The following AGBL4 variants were observed in gnomAD, a reference collection of about 807,000 sequenced individuals.
AGBL4 encodes AGBL carboxypeptidase 4, also known as cytosolic carboxypeptidase 6.
In AGBL4, 58 loss-of-function variants were observed where a neutral mutation model predicts 66.4. The ratio of observed to expected loss-of-function variants is 0.87; its 90% confidence interval spans 0.71 to 1.09. The LOEUF is 1.09. AGBL4 is among the 50% of genes least tolerant of loss of function. The probability of loss-of-function intolerance (pLI) is 0.00; values close to 1 mark genes in which losing one functional copy is unlikely to be tolerated. For synonymous variants in AGBL4, 234 were observed against 222.9 expected, an observed-to-expected ratio of 1.05 and a Z score of -0.44; for missense variants, 579 against 631.0, an observed-to-expected ratio of 0.92 and a Z score of 0.88.
intron 2 of AGBL4, among the ~76,000 whole-genome samples, chr1:49,763,129 G>C (rs1010061377): frequency 7.2e-5 from 11 of 152,140 alleles, no homozygotes; most frequent in African/African-American, 2.7e-4. Flanking sequence ...CTGCTCCATA[G>C]ATTGTCTTTT....
chr1:49,461,740 T>A (rs1646517878), intron 3 of AGBL4, among the ~76,000 whole-genome samples: 1 of 151,260 alleles, frequency 6.6e-6, no homozygotes, highest in Non-Finnish European at 1.5e-5. Context: ...TCTTCTTGTG[T>A]TACTTTGCTG....
At chr1:49,344,897 C>T (rs984699100) in intron 3 of AGBL4, among the ~76,000 whole-genome samples, 57 of 152,100 alleles carry the variant, frequency 3.7e-4, no homozygotes, top group Non-Finnish European at 1.9e-4. Flanking sequence ...ATGAGTAAAG[C>T]GTTTCACCTT....
intron 3 of AGBL4, among the ~76,000 whole-genome samples, chr1:49,251,734 C>A (rs1403170631): frequency 6.6e-6 from 1 of 152,174 alleles, no homozygotes. Flanking sequence ...GAACTGCAAA[C>A]CTTGAGCAGC....
intron 9 of AGBL4, among the ~76,000 whole-genome samples, chr1:48,617,939 C>T (rs1645347003): frequency 6.6e-6 from 1 of 152,172 alleles, no homozygotes; most frequent in African/African-American, 2.4e-5. Flanking sequence ...CACTCCTGTT[C>T]CTCTCTGCCT....
chr1:49,387,457 G>A (rs937560482), intron 3 of AGBL4, among the ~76,000 whole-genome samples: 1 of 151,326 alleles, frequency 6.6e-6, no homozygotes, highest in Non-Finnish European at 1.5e-5. Flanking sequence ...AAAAAAAACA[G>A]ACCGGGAAAT....
At chr1:49,845,609 C>T (rs1414736008) in intron 2 of AGBL4, 10 of 1,605,668 alleles carry the variant, frequency 6.2e-6, no homozygotes, top group Admixed American at 1.7e-5. Context: ...AAAGCCTTCA[C>T]CCAGATCACA....
At chr1:49,318,462 G>C (rs1645077491) in intron 3 of AGBL4, among the ~76,000 whole-genome samples, 1 of 151,804 alleles carries the variant, frequency 6.6e-6, no homozygotes, top group African/African-American at 2.4e-5. Context: ...GGGGCTTATT[G>C]TATGCCAAAC....
At chr1:49,931,300 T>C (rs1030731249) in intron 1 of AGBL4, among the ~76,000 whole-genome samples, 1 of 152,194 alleles carries the variant, frequency 6.6e-6, no homozygotes, top group African/African-American at 2.4e-5. Context: ...AAGAATATTG[T>C]TAAGATAGTG....
At chr1:49,426,167 C>T (rs917382054) in intron 3 of AGBL4, among the ~76,000 whole-genome samples, 13 of 151,914 alleles carry the variant, frequency 8.6e-5, no homozygotes, top group South Asian at 4.2e-4. Flanking sequence ...TAATACAATG[C>T]GTGGGATTCT....
intron 3 of AGBL4, among the ~76,000 whole-genome samples, chr1:49,630,381 CT>C (rs966300472): frequency 6.6e-6 from 1 of 152,102 alleles, no homozygotes; most frequent in African/African-American, 2.4e-5. Flanking sequence ...TCTGGTAAGT[CT>C]TCTGGTGTCA....
chr1:49,905,408 A>G (rs1481596204), intron 1 of AGBL4, among the ~76,000 whole-genome samples: 2 of 152,198 alleles, frequency 1.3e-5, no homozygotes, highest in Non-Finnish European at 2.9e-5. Flanking sequence ...TTGAGTTACA[A>G]GCAAAACCCT....
intron 4 of AGBL4, among the ~76,000 whole-genome samples, chr1:49,182,571 A>G (rs1646948186): frequency 6.6e-6 from 1 of 152,238 alleles, no homozygotes. Context: ...GAAGCTTGAC[A>G]TGAAATAGTG....
chr1:49,440,095 A>G, intron 3 of AGBL4, among the ~76,000 whole-genome samples: 1 of 139,608 alleles, frequency 7.2e-6, no homozygotes, highest in Non-Finnish European at 1.5e-5. Context: ...TTTGAGACAG[A>G]GTCTTGCTCT....
At chr1:49,582,675 G>T (rs1172087411) in intron 3 of AGBL4, among the ~76,000 whole-genome samples, 1 of 152,180 alleles carries the variant, frequency 6.6e-6, no homozygotes, top group South Asian at 2.1e-4. Flanking sequence ...TGCACCGTTT[G>T]TTAGGAGCTA....
intron 6 of AGBL4, among the ~76,000 whole-genome samples, chr1:48,827,144 T>G (rs1180715837): frequency 6.6e-6 from 1 of 152,242 alleles, no homozygotes; most frequent in Non-Finnish European, 1.5e-5. Flanking sequence ...CAGTATGCTA[T>G]TACTGTACTA....
At chr1:49,070,177 A>G (rs1175111987) in intron 4 of AGBL4, among the ~76,000 whole-genome samples, 1 of 151,990 alleles carries the variant, frequency 6.6e-6, no homozygotes. Flanking sequence ...GTCATCTGCA[A>G]ACAGGGACAA....
chr1:48,702,902 C>T (rs1646825105), intron 6 of AGBL4, among the ~76,000 whole-genome samples: 1 of 152,150 alleles, frequency 6.6e-6, no homozygotes, highest in Non-Finnish European at 1.5e-5. Flanking sequence ...TGGGGCAGGG[C>T]ACCTTGACTT....
chr1:48,635,483 C>T (rs1645653682), intron 8 of AGBL4, among the ~76,000 whole-genome samples: 1 of 152,214 alleles, frequency 6.6e-6, no homozygotes, highest in Admixed American at 6.5e-5. Context: ...TCCTGCCTAG[C>T]CTCTCTGGCA....
At chr1:49,790,797 T>G in intron 2 of AGBL4, among the ~76,000 whole-genome samples, 1 of 152,184 alleles carries the variant, frequency 6.6e-6, no homozygotes, top group African/African-American at 2.4e-5. Flanking sequence ...AACTCAAATC[T>G]AAAGGAAAGC....
Sources: gnomAD v4.1 joint callset for allele counts (sites outside exome capture counted in the v4.1 genomes callset) on GRCh38, gnomAD v4.1.1 for gene constraint, MANE v1.5 for transcripts, NCBI Gene and HGNC (gene_info 2026-07-23, HGNC 2026-07-21) for gene names.